ZNF736: variants seen among roughly 807,000 people sequenced by gnomAD.
ZNF736 encodes the protein KRAB-containing zinc-finger repressor protein.
In ZNF736, 6 loss-of-function variants were observed where a neutral mutation model predicts 11.7. The observed-to-expected ratio is 0.51, with a 90% CI of 0.28 to 1.01. The LOEUF (loss-of-function observed/expected upper bound fraction) is 1.01. ZNF736 is among the 50% of genes least tolerant of loss of function. ZNF736 has a pLI of 0.09. For synonymous variants in ZNF736, 139 were observed against 164.7 expected, an observed-to-expected ratio of 0.84 and a Z score of 1.19; for missense variants, 444 against 496.0, an observed-to-expected ratio of 0.90 and a Z score of 1.00.
chr7:64,326,916 T>C (rs1341091847), intron 1 of ZNF736, among the ~76,000 whole-genome samples: 1 of 152,210 alleles, frequency 6.6e-6, no homozygotes, highest in East Asian at 1.9e-4. Flanking sequence ...TTACTTGATA[T>C]AATCTTATTT....
intron 1 of ZNF736, among the ~76,000 whole-genome samples, chr7:64,324,141 C>T (rs1024466156): frequency 1.8e-4 from 28 of 152,086 alleles, no homozygotes; most frequent in African/African-American, 6.5e-4. Flanking sequence ...TTGATTTGTT[C>T]ATTTTCCAAC....
chr7:64,322,621 A>G (rs910828223), intron 1 of ZNF736, among the ~76,000 whole-genome samples: 4 of 152,190 alleles, frequency 2.6e-5, no homozygotes, highest in African/African-American at 7.2e-5. Flanking sequence ...AAAGGACCTG[A>G]AACTTATTCT....
intron 1 of ZNF736, among the ~76,000 whole-genome samples, chr7:64,314,496 C>T (rs1311652376): frequency 6.6e-6 from 1 of 152,154 alleles, no homozygotes; most frequent in Non-Finnish European, 1.5e-5. Context: ...GTCTGGAGTT[C>T]CTCCGTGGAA....
chr7:64,331,462 T>A (rs1562670873), intron 1 of ZNF736, among the ~76,000 whole-genome samples: 1 of 152,210 alleles, frequency 6.6e-6, no homozygotes, highest in Non-Finnish European at 1.5e-5. Flanking sequence ...AATTAACAGC[T>A]TTCTTTTTTA....
At chr7:64,339,898 A>C (rs1462599504) in intron 3 of ZNF736, among the ~76,000 whole-genome samples, 1 of 152,202 alleles carries the variant, frequency 6.6e-6, no homozygotes, top group East Asian at 1.9e-4. Flanking sequence ...AGTAGGTACA[A>C]ATCTTCTCTT....
intron 1 of ZNF736, among the ~76,000 whole-genome samples, chr7:64,319,488 C>CTT (rs1408764142): frequency 0.016 from 1,218 of 75,250 alleles, 302 homozygotes; most frequent in East Asian, 0.035. Context: ...ACATTTCTTC[C>CTT]CTTTTTTTTT....
chr7:64,330,059 T>C (rs1017746183), intron 1 of ZNF736, among the ~76,000 whole-genome samples: 10 of 152,190 alleles, frequency 6.6e-5, no homozygotes, highest in African/African-American at 2.4e-4. Context: ...CAAGTACTGC[T>C]AGGCTACTGC....
rs535231857 is a variant in ZNF736, at chr7:64,343,409, G to C, written c.227-4681G>C. 3.9e-5 allele frequency among the ~76,000 whole-genome samples: 6 copies of C among 152,328 alleles called. No individual in the cohort carries two copies. In the South Asian group the frequency reaches 1.2e-3, roughly 32 times the overall value. On this transcript the variant is annotated intron_variant, in intron 3 of 3. Coordinates refer to ENST00000423484, the MANE Select transcript of ZNF736 (RefSeq NM_001170905.3). ...AAACAATAGACACTGGGGACCACTA[G>C]AGGAGGAAAGGAAGAAAGAGACAAG...
chr7:64,338,056 G>A (rs1789285188), intron 3 of ZNF736, among the ~76,000 whole-genome samples: 2 of 152,216 alleles, frequency 1.3e-5, no homozygotes, highest in South Asian at 4.1e-4. Flanking sequence ...TGCCCAGTCT[G>A]CTGAGTACAT....
intron 3 of ZNF736, among the ~76,000 whole-genome samples, chr7:64,340,872 C>T (rs1370835187): frequency 2.6e-5 from 4 of 152,002 alleles, no homozygotes; most frequent in Admixed American, 6.6e-5. Context: ...TTCATCACTT[C>T]GAAATTTAGG....
chr7:64,321,773 A>C (rs1302104425), intron 1 of ZNF736, among the ~76,000 whole-genome samples: 1 of 152,184 alleles, frequency 6.6e-6, no homozygotes, highest in Non-Finnish European at 1.5e-5. Context: ...TGTCCCTCTG[A>C]ATCCTGCTCA....
intron 3 of ZNF736, among the ~76,000 whole-genome samples, chr7:64,347,217 CTTTTTT>C: frequency 1.8e-5 from 1 of 55,872 alleles, no homozygotes; most frequent in Non-Finnish European, 3.1e-5. Flanking sequence ...AAATGTTCGC[CTTTTTT>C]TTTTTTTTTT....
intron 1 of ZNF736, among the ~76,000 whole-genome samples, chr7:64,317,265 A>G (rs1386245049): frequency 6.6e-6 from 1 of 152,196 alleles, no homozygotes; most frequent in African/African-American, 2.4e-5. Context: ...TGGATGTAAC[A>G]GTTTTATCAG....
chr7:64,336,994 T>G lies in ZNF736; in HGVS notation c.226+12T>G, dbSNP rs1215142387. The G allele has an allele frequency of 6.3e-7, 1 of 1,590,590 alleles. No individual in the cohort carries two copies. Among genetic ancestry groups the G allele is most frequent in the South Asian group, 1.1e-5 (1 of 89,006 alleles). ...AGCCAAACACCCAGGTAGGTGGGAG[T>G]GAATGAAGCAGATGACACAAATGAC... On this transcript the variant is annotated intron_variant, in intron 3 of 3. Coordinates refer to ENST00000423484, the MANE Select transcript of ZNF736 (RefSeq NM_001170905.3).
chr7:64,314,499 C>T (rs1213665821), intron 1 of ZNF736, among the ~76,000 whole-genome samples: 2 of 152,168 alleles, frequency 1.3e-5, no homozygotes, highest in Non-Finnish European at 2.9e-5. Context: ...TGGAGTTCCT[C>T]CGTGGAAGAA....
chr7:64,337,741 G>GTTTTTTTT (rs1383507756), intron 3 of ZNF736, among the ~76,000 whole-genome samples: 1 of 69,248 alleles, frequency 1.4e-5, no homozygotes. Context: ...GTTTTGTTTT[G>GTTTTTTTT]TTTTGTTTTT....
rs1789472487 is a variant in ZNF736, at chr7:64,350,630, T to G, written c.*1483T>G. The G allele has an allele frequency of 6.6e-6, 1 of 152,138 alleles. No homozygotes were observed. The highest frequency in any genetic ancestry group is 2.4e-5 in the African/African-American group (1 of 41,420). The allele number at this position is 152,138 out of a possible 1,614,324, so 9.4% of individuals were successfully genotyped here. A position where few individuals can be genotyped will look rare whatever the true frequency, so the allele number is the denominator to read the frequency against. On this transcript the variant is annotated 3_prime_UTR_variant, in exon 4 of 4. Coordinates refer to ENST00000423484, the MANE Select transcript of ZNF736 (RefSeq NM_001170905.3). ...TTTGTGTTTTTATCTTTGCACTGAT[T>G]GTGTCTTATCTTTGTGGGCATATCT...
chr7:64,337,105 C>G, intron 3 of ZNF736, 123 bp downstream of exon 3: 2 of 838,162 alleles, frequency 2.4e-6, no homozygotes, highest in Non-Finnish European at 3.8e-6. Flanking sequence ...GAGAAACCTT[C>G]ATTTCTTTCT....
chr7:64,341,643 G>A (rs10271301), intron 3 of ZNF736, among the ~76,000 whole-genome samples: 51,990 of 151,932 alleles, frequency 0.34, 9,568 homozygotes, highest in African/African-American at 0.49. Flanking sequence ...TCATTTTCAT[G>A]TTAAGGGAGA....
Sources: gnomAD v4.1 joint callset for allele counts (sites outside exome capture counted in the v4.1 genomes callset) on GRCh38, gnomAD v4.1.1 for gene constraint, MANE v1.5 for transcripts, NCBI Gene and HGNC (gene_info 2026-07-23, HGNC 2026-07-21) for gene names.